SEC24D: variants seen among roughly 807,000 people sequenced by gnomAD.
SEC24D encodes the protein protein transport protein Sec24D.
Under a neutral mutation model 116.9 loss-of-function variants are expected in SEC24D, and 69 were observed. The observed-to-expected ratio is 0.59, with a 90% CI of 0.49 to 0.72. SEC24D has a LOEUF of 0.72. Among genes scored for constraint, SEC24D ranks in the 30% least tolerant of loss-of-function variants. The pLI is 0.00. For synonymous variants in SEC24D, 405 were observed against 442.8 expected (o/e 0.91, Z 1.07); for missense variants, 1,131 against 1,264.1 (o/e 0.89, Z 1.60).
At chr4:118,777,882 T>C (rs1212950534) in intron 8 of SEC24D, among the ~76,000 whole-genome samples, 2 of 152,278 alleles carry the variant, frequency 1.3e-5, no homozygotes, top group Non-Finnish European at 2.9e-5. Context: ...CATTTTTTCA[T>C]GTGTCTGTTG....
chr4:118,806,210 G>A (rs1344429248), intron 6 of SEC24D, among the ~76,000 whole-genome samples: 1 of 152,146 alleles, frequency 6.6e-6, no homozygotes, highest in Non-Finnish European at 1.5e-5. Context: ...TAGAATAGTA[G>A]TTTCCAATTC....
At chr4:118,744,182 A>AC in intron 14 of SEC24D, 24 bp from the exon 15 acceptor site, 1 of 1,509,798 alleles carries the variant, frequency 6.6e-7, no homozygotes, top group Non-Finnish European at 8.9e-7. Flanking sequence ...GCAAAAAAAA[A>AC]GAAAAAATAA....
At chr4:118,748,238 C>T (rs1726643998) in intron 13 of SEC24D, among the ~76,000 whole-genome samples, 8 of 151,828 alleles carry the variant, frequency 5.3e-5, no homozygotes, top group Admixed American at 5.2e-4. Context: ...TGCACTCCAC[C>T]CTGGGTGACA....
At chr4:118,832,319 T>C (rs1730895052) in intron 2 of SEC24D, among the ~76,000 whole-genome samples, 1 of 152,062 alleles carries the variant, frequency 6.6e-6, no homozygotes, top group Non-Finnish European at 1.5e-5. Context: ...CAGAGTCAAA[T>C]ACAAAAGAGG....
chr4:118,724,283 G>A (rs1339328705), intron 22 of SEC24D, among the ~76,000 whole-genome samples: 1 of 152,080 alleles, frequency 6.6e-6, no homozygotes, highest in Non-Finnish European at 1.5e-5. Context: ...AACACACAGG[G>A]AAAACAGGGA....
intron 3 of SEC24D, among the ~76,000 whole-genome samples, chr4:118,820,581 G>T (rs573417720): frequency 6.6e-6 from 1 of 151,938 alleles, no homozygotes; most frequent in African/African-American, 2.4e-5. Flanking sequence ...AACCTGGTGT[G>T]TAACTATAGG....
At chr4:118,792,844 C>A (rs1399384662) in intron 8 of SEC24D, among the ~76,000 whole-genome samples, 3 of 151,982 alleles carry the variant, frequency 2.0e-5, no homozygotes, top group African/African-American at 7.2e-5. Flanking sequence ...GTCCTATGAC[C>A]CTGCCAAATC....
chr4:118,779,665 T>C (rs1728307528), intron 8 of SEC24D, among the ~76,000 whole-genome samples: 1 of 152,216 alleles, frequency 6.6e-6, no homozygotes, highest in South Asian at 2.1e-4. Context: ...TTAGAATAGT[T>C]TCAGAAGGAA....
intron 15 of SEC24D, 92 bp downstream of exon 15, chr4:118,743,896 C>G: frequency 8.7e-7 from 1 of 1,150,280 alleles, no homozygotes; most frequent in Non-Finnish European, 1.2e-6. Context: ...GTCATCTACC[C>G]ACCAGGGAAC....
chr4:118,733,207 A>C (rs1016360814), intron 19 of SEC24D: 2 of 216,026 alleles, frequency 9.3e-6, no homozygotes, highest in African/African-American at 4.6e-5. Flanking sequence ...CAGGTGTGTG[A>C]CCCTGGGCAA....
chr4:118,775,191 A>G (rs1728073024), intron 8 of SEC24D, among the ~76,000 whole-genome samples: 1 of 152,022 alleles, frequency 6.6e-6, no homozygotes, highest in African/African-American at 2.4e-5. Context: ...CAAATCCATG[A>G]CTCACAGGTC....
chr4:118,734,396 A>G (rs1372673849), intron 19 of SEC24D, among the ~76,000 whole-genome samples: 2 of 151,810 alleles, frequency 1.3e-5, no homozygotes, highest in Non-Finnish European at 2.9e-5. Context: ...TTTTTTTAGT[A>G]GAGATGGGGT....
intron 12 of SEC24D, among the ~76,000 whole-genome samples, chr4:118,752,392 G>C (rs1287876630): frequency 1.3e-5 from 2 of 152,064 alleles, no homozygotes; most frequent in African/African-American, 4.8e-5. Flanking sequence ...CATCATCATT[G>C]AATACATTCA....
intron 2 of SEC24D, among the ~76,000 whole-genome samples, chr4:118,828,399 G>A (rs781265688): frequency 4.6e-5 from 7 of 152,234 alleles, no homozygotes; most frequent in South Asian, 2.1e-4. Flanking sequence ...GTGAGCCACC[G>A]CACCCGGCCT....
chr4:118,739,207 T>C lies in SEC24D; in HGVS notation c.2319A>G (p.Leu773=). Residue 773 remains leucine, a synonymous_variant, in exon 18 of 23, where the codon CTA becomes CTG. Coordinates refer to ENST00000280551, the MANE Select transcript of SEC24D (RefSeq NM_014822.4). ...TCTCACAGCTCTTATAAAGATCAGC[T>C]AGCTGAGAGCTGCAGTTTAAGCCAA... ...HNLGLNCSSQ[L]ADLYKSCETD... 1 of 1,613,654 alleles carries C rather than the reference T, an allele frequency of 6.2e-7. No homozygotes were observed. Among genetic ancestry groups the C allele is most frequent in the Non-Finnish European group, 8.5e-7 (1 of 1,179,620 alleles).
intron 8 of SEC24D, among the ~76,000 whole-genome samples, chr4:118,773,315 C>A (rs1468087281): frequency 6.6e-6 from 1 of 152,080 alleles, no homozygotes; most frequent in African/African-American, 2.4e-5. Flanking sequence ...TACAATGGGA[C>A]CTAAATAAGA....
At chr4:118,755,185 G>T (rs1432133934) in intron 11 of SEC24D, among the ~76,000 whole-genome samples, 1 of 152,048 alleles carries the variant, frequency 6.6e-6, no homozygotes, top group African/African-American at 2.4e-5. Flanking sequence ...CGGTGTAACT[G>T]CCTTATTAAA....
chr4:118,781,418 C>G (rs1204841031), intron 8 of SEC24D, among the ~76,000 whole-genome samples: 1 of 152,184 alleles, frequency 6.6e-6, no homozygotes, highest in African/African-American at 2.4e-5. Flanking sequence ...TATTGGCCCC[C>G]ACTCTCTTCT....
intron 8 of SEC24D, among the ~76,000 whole-genome samples, chr4:118,790,904 A>C (rs942445152): frequency 6.7e-6 from 1 of 149,260 alleles, no homozygotes; most frequent in Non-Finnish European, 1.5e-5. Context: ...TAAGCAAACA[A>C]AACATAAAAT....
Sources: gnomAD v4.1 joint callset for allele counts (sites outside exome capture counted in the v4.1 genomes callset) on GRCh38, gnomAD v4.1.1 for gene constraint, MANE v1.5 for transcripts, NCBI Gene and HGNC (gene_info 2026-07-23, HGNC 2026-07-21) for gene names.